Variants in USP30 observed in about 807,000 individuals in gnomAD.
USP30 encodes the protein ubiquitin carboxyl-terminal hydrolase 30.
USP30 carries 41 observed loss-of-function variants against 68.2 expected under a neutral mutation model. That is an observed-to-expected ratio of 0.60 (90% CI 0.47 to 0.78). The LOEUF (loss-of-function observed/expected upper bound fraction) is 0.78, where lower values mean the gene tolerates loss of function less well. USP30 is among the 30% of genes least tolerant of loss of function. The pLI, the probability that USP30 is intolerant of heterozygous loss-of-function variation, is 0.00. For synonymous variants in USP30, 229 were observed against 253.7 expected, an observed-to-expected ratio of 0.90 and a Z score of 0.93; for missense variants, 522 against 649.4, an observed-to-expected ratio of 0.80 and a Z score of 2.13.
At chr12:109,025,425 T>C (rs1417586956) in intron 2 of USP30, among the ~76,000 whole-genome samples, 3 of 152,126 alleles carry the variant, frequency 2.0e-5, no homozygotes, top group Admixed American at 1.3e-4. Context: ...TATCATTATG[T>C]TGCTCTCTTC....
In USP30 at chr12:109,023,382, G is replaced by A. The variant is rs375796760; in HGVS notation, c.-498+215G>A. On this transcript the variant is annotated intron_variant, in intron 1 of 15. Transcript: ENST00000392784. ...AGCCTGGCCAACATGGCAAAACCTC[G>A]TCTCCACTTGAAAATAAAAAAACTT... 9.9e-5 allele frequency among the ~76,000 whole-genome samples: 15 copies of A among 151,978 alleles called. No individual in the cohort carries two copies. In the East Asian group the frequency reaches 2.7e-3, roughly 28 times the overall value.
At position 109,087,324 on chromosome 12, in the gene USP30, G is replaced by A. The variant is rs754293527; in HGVS notation, c.*1393G>A. 1.1e-4 allele frequency: 17 copies of A among 152,144 alleles called. No homozygotes were observed. The highest frequency in any genetic ancestry group is 1.6e-4 in the Non-Finnish European group (11 of 68,050). The allele number at this position is 152,144 out of a possible 1,614,324, so 9.4% of individuals were successfully genotyped here. On this transcript the variant is annotated 3_prime_UTR_variant, in exon 13 of 13. Transcript: ENST00000257548. Reference sequence around the variant, plus strand: ...TAAGACCGCACTTCCTCTGCTGGGGGTGAGCTGGCAGACACACCAAACAGT... The same window carrying A: ...TAAGACCGCACTTCCTCTGCTGGGGATGAGCTGGCAGACACACCAAACAGT...
Position 109,070,201 on chromosome 12 carries a change from C to T in USP30, c.481-1411C>T, listed in dbSNP as rs775790531. On this transcript the variant is annotated intron_variant, in intron 4 of 12. Transcript: ENST00000257548. This position sits in a 1 kb window ranked among gnomAD's most constrained non-coding sequence, Gnocchi z 4.0. Reference sequence around the variant, plus strand: ...TGGGAGGCCGCTGCAGTTATCTGGCCGAGATGGTGTGGCTCAGACTGGGGT... The same window carrying T: ...TGGGAGGCCGCTGCAGTTATCTGGCTGAGATGGTGTGGCTCAGACTGGGGT... Among the ~76,000 whole-genome samples the T allele has an allele frequency of 5.3e-5, 8 of 152,168 alleles. No individual in the cohort carries two copies. The highest frequency in any genetic ancestry group is 9.6e-5 in the African/African-American group (4 of 41,504).
chr12:109,040,423 T>C (rs2040555893), intron 3 of USP30, among the ~76,000 whole-genome samples: 1 of 152,236 alleles, frequency 6.6e-6, no homozygotes. Flanking sequence ...TTGCTCCTGC[T>C]ATAGTAGTTC....
At chr12:109,076,355 G>A (rs995155050) in intron 7 of USP30, among the ~76,000 whole-genome samples, 2 of 150,132 alleles carry the variant, frequency 1.3e-5, no homozygotes, top group Non-Finnish European at 3.0e-5. Flanking sequence ...AAACAGTCAT[G>A]TTGCTTATGA....
intron 3 of USP30, among the ~76,000 whole-genome samples, chr12:109,041,767 G>A (rs1268414735): frequency 1.3e-5 from 2 of 152,022 alleles, no homozygotes; most frequent in East Asian, 3.8e-4. Flanking sequence ...TCCTTGAAGA[G>A]CTACTTTGGA....
rs1352438840 is a variant in USP30 at position 109,082,853 on chromosome 12, GTC to G, written c.963_964del (p.Cys322HisfsTer19). ...CTCTTCCACCCGCAGCTCCCTCAGT[GTC>G]TCTGCATCCACCTACAGCGGCTGAG... On this transcript the variant is annotated frameshift_variant, in exon 11 of 13. Transcript: ENST00000257548. LOFTEE classifies it high-confidence loss of function. 1.9e-6 allele frequency: 3 copies of G among 1,613,686 alleles called. No individual in the cohort carries two copies. Among genetic ancestry groups the G allele is most frequent in the Non-Finnish European group, 2.5e-6 (3 of 1,179,774 alleles).
intron 3 of USP30, among the ~76,000 whole-genome samples, chr12:109,028,227 G>C (rs2040458088): frequency 6.6e-6 from 1 of 152,154 alleles, no homozygotes; most frequent in Non-Finnish European, 1.5e-5. Context: ...GGGGATTTTT[G>C]CTGTTGAGTT....
rs141817954 is a variant in USP30 at position 109,085,024 on chromosome 12, A to C, written c.1240A>C (p.Thr414Pro). The change falls in exon 12 of 13, where the codon ACG becomes CCG. Residue 414 changes from threonine (T) to proline (P), a missense_variant. Coordinates refer to ENST00000257548, the MANE Select transcript of USP30 (RefSeq NM_032663.5). Reference protein sequence around the residue: ...NGACSPSLLPTLSAPMPFPLP... With the variant: ...NGACSPSLLPPLSAPMPFPLP... ...CGCCTGCTCCCCATCTTTATTGCCA[A>C]CGCTGTCAGCGCCGATGCCCTTCCC... 6.2e-7 allele frequency: 1 copy of C among 1,607,208 alleles called. No individual in the cohort carries two copies. Among genetic ancestry groups the C allele is most frequent in the Non-Finnish European group, 8.5e-7 (1 of 1,176,032 alleles).
chr12:109,073,354 A>C, intron 6 of USP30, 84 bp from the exon 7 acceptor site: 2 of 947,080 alleles, frequency 2.1e-6, no homozygotes, highest in Non-Finnish European at 3.4e-6. Flanking sequence ...GGTAGTTTCT[A>C]CCACATGCTA....
chr12:109,043,126 T>G (rs769114251), intron 3 of USP30, among the ~76,000 whole-genome samples: 1 of 152,118 alleles, frequency 6.6e-6, no homozygotes, highest in Non-Finnish European at 1.5e-5. Flanking sequence ...ACATCCCAAG[T>G]CCATGGATTG....
intron 4 of USP30, among the ~76,000 whole-genome samples, chr12:109,069,341 A>T (rs2041357280): frequency 6.6e-6 from 1 of 152,116 alleles, no homozygotes; most frequent in Admixed American, 6.5e-5. Flanking sequence ...GGAAGTGCTG[A>T]TTCTCCTCCA....
At chr12:109,028,411 G>A (rs1339436671) in intron 3 of USP30, among the ~76,000 whole-genome samples, 1 of 152,096 alleles carries the variant, frequency 6.6e-6, no homozygotes, top group Non-Finnish European at 1.5e-5. Context: ...ATGATGGAAG[G>A]TGAAGGGGAG....
At chr12:109,029,556 T>C (rs150201990) in intron 3 of USP30, among the ~76,000 whole-genome samples, 104 of 152,336 alleles carry the variant, frequency 6.8e-4, no homozygotes, top group African/African-American at 2.2e-3. Context: ...ACTGTTTTAC[T>C]AGGGCCCATT....
chr12:109,071,572 C>A (rs201783676), intron 4 of USP30, 40 bp from the exon 5 acceptor site: 3 of 1,579,922 alleles, frequency 1.9e-6, no homozygotes, highest in African/African-American at 2.7e-5. Flanking sequence ...TTGCTCTTGC[C>A]TCTTCCAACC....
intron 3 of USP30, among the ~76,000 whole-genome samples, chr12:109,043,730 A>G (rs1052414722): frequency 6.6e-6 from 1 of 152,198 alleles, no homozygotes; most frequent in African/African-American, 2.4e-5. Context: ...GGCAAATTGG[A>G]CTTCATGAAA....
intron 3 of USP30, among the ~76,000 whole-genome samples, chr12:109,036,743 T>C (rs1193286023): frequency 6.6e-6 from 1 of 152,192 alleles, no homozygotes; most frequent in Non-Finnish European, 1.5e-5. Context: ...ATACTTTGAA[T>C]ATGTCCTTCT....
At chr12:109,052,788 G>A in intron 1 of USP30, 27 bp downstream of exon 1, 1 of 1,437,556 alleles carries the variant, frequency 7.0e-7, no homozygotes, top group Non-Finnish European at 9.1e-7. Flanking sequence ...CGGGGCTGCC[G>A]AAGAGGCCGG....
chr12:109,085,637 A>G (rs756791203), intron 12 of USP30, 30 bp from the exon 13 acceptor site: 20 of 1,601,464 alleles, frequency 1.2e-5, no homozygotes, highest in Non-Finnish European at 1.6e-5. Flanking sequence ...TTAAAATTGT[A>G]AACCCCTGAC....
Sources: allele counts gnomAD v4.1 joint callset (sites outside exome capture counted in the v4.1 genomes callset), GRCh38; gene constraint gnomAD v4.1.1; non-coding constraint Gnocchi (gnomAD v3.1); transcripts MANE v1.5; gene names NCBI Gene and HGNC (gene_info 2026-07-23, HGNC 2026-07-21).